PLCB1: variants seen among roughly 807,000 people sequenced by gnomAD.
PLCB1 encodes 1-phosphatidylinositol 4,5-bisphosphate phosphodiesterase beta-1.
PLCB1 carries 46 observed loss-of-function variants against 161.8 expected under a neutral mutation model. The observed-to-expected ratio is 0.28, with a 90% CI of 0.22 to 0.36. The LOEUF (loss-of-function observed/expected upper bound fraction) is 0.36, where lower values mean the gene tolerates loss of function less well. Among genes scored for constraint, PLCB1 ranks in the 10% least tolerant of loss-of-function variants. The pLI, the probability that PLCB1 is intolerant of heterozygous loss-of-function variation, is 1.00. For missense variants in PLCB1, 1,016 were observed against 1,472.5 expected (o/e 0.69, Z 5.07); for synonymous variants, 517 against 503.7 (o/e 1.03, Z -0.35).
chr20:8,665,483 T>C (rs996232201), intron 9 of PLCB1, among the ~76,000 whole-genome samples: 1 of 152,202 alleles, frequency 6.6e-6, no homozygotes, highest in Admixed American at 6.5e-5. Context: ...AACAGCCTTA[T>C]TTAATGTACT....
At chr20:8,742,760 A>G (rs1156939034) in intron 23 of PLCB1, among the ~76,000 whole-genome samples, 1 of 152,238 alleles carries the variant, frequency 6.6e-6, no homozygotes, top group Non-Finnish European at 1.5e-5. Context: ...TAGCTCCACC[A>G]TAATTTAATT....
At chr20:8,835,081 G>A (rs765219877) in intron 31 of PLCB1, among the ~76,000 whole-genome samples, 15 of 152,120 alleles carry the variant, frequency 9.9e-5, no homozygotes, top group East Asian at 3.9e-4. Context: ...AAATATCTGC[G>A]CACTCTGTGT....
intron 25 of PLCB1, among the ~76,000 whole-genome samples, chr20:8,763,929 C>G (rs1402266985): frequency 6.6e-6 from 1 of 151,918 alleles, no homozygotes; most frequent in Non-Finnish European, 1.5e-5. Context: ...CTTTGGGAAG[C>G]CGAGGAGGGC....
At chr20:8,217,790 C>T (rs73082281) in intron 2 of PLCB1, among the ~76,000 whole-genome samples, 7,767 of 152,096 alleles carry the variant, frequency 0.051, 258 homozygotes, top group South Asian at 0.082. Flanking sequence ...GTCATTATTG[C>T]AGGAGTGGGA....
chr20:8,286,550 G>C (rs1245524856), intron 2 of PLCB1, among the ~76,000 whole-genome samples: 1 of 152,120 alleles, frequency 6.6e-6, no homozygotes, highest in Non-Finnish European at 1.5e-5. Flanking sequence ...TTGGCCAGTA[G>C]AGCAGATCTG....
At chr20:8,410,207 T>G (rs1017555866) in intron 3 of PLCB1, among the ~76,000 whole-genome samples, 1 of 152,224 alleles carries the variant, frequency 6.6e-6, no homozygotes, top group East Asian at 1.9e-4. Context: ...ATTGACAGTC[T>G]TTTGTATAGT....
Position 8,666,814 on chromosome 20 carries a change from T to C in PLCB1, c.862+8110T>C, listed in dbSNP as rs915831067. 3.9e-5 allele frequency among the ~76,000 whole-genome samples: 6 copies of C among 152,014 alleles called. No individual in the cohort carries two copies. The South Asian group carries it at 1.0e-3, about 26-fold the overall frequency. On this transcript the variant is annotated intron_variant, in intron 9 of 31. Coordinates refer to ENST00000338037, the MANE Select transcript of PLCB1 (RefSeq NM_015192.4). ...AACAAAGTCTCGTGAGAAAGGCCAATGTGTAGGGAAAAGCTTTAAAGGTGC... is the reference window on the plus strand; with the variant it reads ...AACAAAGTCTCGTGAGAAAGGCCAACGTGTAGGGAAAAGCTTTAAAGGTGC...
At chr20:8,259,246 AT>A (rs1245927923) in intron 2 of PLCB1, among the ~76,000 whole-genome samples, 1 of 152,196 alleles carries the variant, frequency 6.6e-6, no homozygotes. Flanking sequence ...AAAAAATCCA[AT>A]AAAATGGTAA....
intron 1 of PLCB1, among the ~76,000 whole-genome samples, chr20:8,146,381 T>A (rs1239763593): frequency 1.3e-5 from 2 of 152,198 alleles, no homozygotes; most frequent in Non-Finnish European, 2.9e-5. Context: ...AAAATGGGAA[T>A]AATAATAGTG....
chr20:8,420,813 C>G (rs1238523019), intron 3 of PLCB1, among the ~76,000 whole-genome samples: 1 of 152,188 alleles, frequency 6.6e-6, no homozygotes, highest in Non-Finnish European at 1.5e-5. Flanking sequence ...CAAGACTGCA[C>G]TTCAGGTATT....
chr20:8,239,063 G>T (rs1980477669), intron 2 of PLCB1, among the ~76,000 whole-genome samples: 1 of 151,972 alleles, frequency 6.6e-6, no homozygotes, highest in Non-Finnish European at 1.5e-5. Context: ...GGGGATAGTT[G>T]AGTAAACAGA....
intron 3 of PLCB1, among the ~76,000 whole-genome samples, chr20:8,484,871 C>G (rs1177439854): frequency 1.3e-5 from 2 of 152,188 alleles, no homozygotes; most frequent in Non-Finnish European, 2.9e-5. Context: ...GGAGAGTTTG[C>G]TCACTGCTAT....
chr20:8,489,391 A>G (rs549546731), intron 3 of PLCB1, among the ~76,000 whole-genome samples: 1 of 152,334 alleles, frequency 6.6e-6, no homozygotes, highest in East Asian at 1.9e-4. Flanking sequence ...GTATTGCATA[A>G]CTAAAATATT....
chr20:8,162,759 G>T (rs921307446), intron 2 of PLCB1, among the ~76,000 whole-genome samples: 2 of 152,174 alleles, frequency 1.3e-5, no homozygotes, highest in African/African-American at 4.8e-5. Context: ...AAGTTTTATG[G>T]GACAGAGCTA....
chr20:8,497,806 T>C (rs1278919842), intron 3 of PLCB1, among the ~76,000 whole-genome samples: 1 of 152,194 alleles, frequency 6.6e-6, no homozygotes, highest in African/African-American at 2.4e-5. Flanking sequence ...TCCTCATACA[T>C]TTTTAAAATC....
chr20:8,879,553 T>C (rs751255249), intron 31 of PLCB1, among the ~76,000 whole-genome samples: 1 of 151,758 alleles, frequency 6.6e-6, no homozygotes, highest in Non-Finnish European at 1.5e-5. Flanking sequence ...ATCAGTATCA[T>C]CCCAATATCA....
At chr20:8,641,090 T>C (rs1291752617) in intron 4 of PLCB1, among the ~76,000 whole-genome samples, 1 of 152,090 alleles carries the variant, frequency 6.6e-6, no homozygotes. Flanking sequence ...GCCCAAAACA[T>C]CAACCAAAGC....
At chr20:8,156,300 T>G (rs912943644) in intron 2 of PLCB1, among the ~76,000 whole-genome samples, 1 of 152,162 alleles carries the variant, frequency 6.6e-6, no homozygotes, top group Admixed American at 6.5e-5. Flanking sequence ...ATCCCAGAAC[T>G]CTCTAGTGGG....
rs1980384991 is a variant in PLCB1 at position 8,733,535 on chromosome 20, A to G, written c.2043+143A>G. 4 of 726,388 alleles carry G rather than the reference A, an allele frequency of 5.5e-6. No individual in the cohort carries two copies. In the Admixed American group the frequency reaches 8.4e-5, roughly 15 times the overall value. 45.0% of individuals were successfully genotyped at this position (726,388 alleles called of 1,614,324 possible). ...CTACATTTTTTTTCTCTAAAGATCA[A>G]ATACACATTAAAAGTTTTCGTAAGG... On this transcript the variant is annotated intron_variant, in intron 19 of 31. Coordinates refer to ENST00000338037, the MANE Select transcript of PLCB1 (RefSeq NM_015192.4).
Sources: gnomAD v4.1 joint callset for allele counts (sites outside exome capture counted in the v4.1 genomes callset) on GRCh38, gnomAD v4.1.1 for gene constraint, MANE v1.5 for transcripts, NCBI Gene and HGNC (gene_info 2026-07-23, HGNC 2026-07-21) for gene names.